ZBTB38: variants seen among roughly 807,000 people sequenced by gnomAD.
The protein encoded by ZBTB38 is zinc finger and BTB domain-containing protein 38.
ZBTB38 carries 20 observed loss-of-function variants against 76.8 expected under a neutral mutation model. The ratio of observed to expected loss-of-function variants is 0.26; its 90% CI spans 0.18 to 0.38. The LOEUF (loss-of-function observed/expected upper bound fraction) is 0.38. ZBTB38 is among the 10% of genes least tolerant of loss of function. The pLI is 1.00. For synonymous variants in ZBTB38, 504 were observed against 544.2 expected (o/e 0.93, Z 1.03); for missense variants, 1,082 against 1,482.3 (o/e 0.73, Z 4.43).
At chr3:141,412,802 C>CA (rs1208192544) in intron 5 of ZBTB38, among the ~76,000 whole-genome samples, 6 of 151,500 alleles carry the variant, frequency 4.0e-5, no homozygotes, top group African/African-American at 1.2e-4. Context: ...TTTTTCCACT[C>CA]GGTTTTTTTT....
chr3:141,362,975 A>G (rs912655959), intron 1 of ZBTB38, among the ~76,000 whole-genome samples: 1 of 151,846 alleles, frequency 6.6e-6, no homozygotes, highest in Non-Finnish European at 1.5e-5. Context: ...TAACAAACCC[A>G]TGAGGTGGTA....
intron 5 of ZBTB38, among the ~76,000 whole-genome samples, chr3:141,440,805 G>A (rs553760379): frequency 1.9e-4 from 29 of 152,220 alleles, no homozygotes; most frequent in African/African-American, 7.0e-4. Flanking sequence ...GGAGGCTGAG[G>A]CGGGCAGATC....
chr3:141,357,080 A>C (rs1943683355), intron 1 of ZBTB38, among the ~76,000 whole-genome samples: 1 of 152,230 alleles, frequency 6.6e-6, no homozygotes. Flanking sequence ...TTCTCCATAC[A>C]CTTGACCATT....
rs1041922186 is a variant in ZBTB38 at position 141,443,236 on chromosome 3, C to T, written c.848C>T (p.Pro283Leu). 6.2e-7 allele frequency: 1 copy of T among 1,614,190 alleles called. No individual in the cohort carries two copies. Among genetic ancestry groups the T allele is most frequent in the Non-Finnish European group, 8.5e-7 (1 of 1,180,018 alleles). The change falls in exon 6 of 6, where the codon CCA becomes CTA. Residue 283 changes from proline to leucine, a missense_variant. Pro to Leu is a moderately conservative substitution (Grantham distance 98, BLOSUM62 -3). Around this residue, in one of 8 missense-constraint regions of ZBTB38, gnomAD observed 324 missense variants for 359.1 expected, o/e 0.90. Coordinates refer to ENST00000321464, the MANE Select transcript of ZBTB38 (RefSeq NM_001376113.1). The surrounding 1 kb of genome is among the most constrained non-coding windows in gnomAD (Gnocchi z 5.6). ...QDSDSATENI[P>L]PPPVSNLEVN... Reference sequence around the variant, plus strand: ...TCGGATTCAGCCACAGAAAATATACCACCCCCTCCAGTATCCAACTTAGAG... The same window carrying T: ...TCGGATTCAGCCACAGAAAATATACTACCCCCTCCAGTATCCAACTTAGAG...
At chr3:141,378,267 G>T (rs2149123506) in intron 2 of ZBTB38, among the ~76,000 whole-genome samples, 1 of 152,260 alleles carries the variant, frequency 6.6e-6, no homozygotes, top group East Asian at 1.9e-4. Context: ...GGAGCACAGG[G>T]AACTGTGGTG....
intron 1 of ZBTB38, among the ~76,000 whole-genome samples, chr3:141,328,517 A>C (rs1942745769): frequency 6.6e-6 from 1 of 152,100 alleles, no homozygotes; most frequent in South Asian, 2.1e-4. Context: ...CTCAGCTACC[A>C]AACTGTGCAC....
intron 4 of ZBTB38, among the ~76,000 whole-genome samples, chr3:141,399,004 G>A (rs1484303034): frequency 1.3e-5 from 2 of 151,984 alleles, no homozygotes; most frequent in Admixed American, 1.3e-4. Context: ...TGAAGAAACT[G>A]TAGTTTCCTC....
chr3:141,391,565 G>A lies in ZBTB38; in HGVS notation c.-106+4628G>A, dbSNP rs192701393. On this transcript the variant is annotated intron_variant, in intron 4 of 5. Transcript: ENST00000321464. ...TCACGACCCTGAAACTGCTTCAGAA[G>A]GTAGAGTACATTGCAGTGCTAGGTG... 4.6e-5 allele frequency among the ~76,000 whole-genome samples: 7 copies of A among 152,316 alleles called. No homozygotes were observed. In the East Asian group the frequency reaches 1.2e-3, roughly 25 times the overall value.
Position 141,422,586 on chromosome 3 carries a change from G to A in ZBTB38, c.-1+18555G>A, listed in dbSNP as rs1018648562. Among the ~76,000 whole-genome samples, 115 of 152,150 alleles carry A rather than the reference G, an allele frequency of 7.6e-4. 1 individual carries two copies. The highest frequency in any genetic ancestry group is 1.6e-4 in the Non-Finnish European group (11 of 68,032). ...TCTAATTCAGGGTAAAGTGATGCTC[G>A]GAGGGCAGATTTGCTCAATCTCTTT... On this transcript the variant is annotated intron_variant, in intron 5 of 5. Coordinates refer to ENST00000321464, the MANE Select transcript of ZBTB38 (RefSeq NM_001376113.1).
At chr3:141,387,316 C>G (rs1178041473) in intron 4 of ZBTB38, 1 of 151,922 alleles carries the variant, frequency 6.6e-6, no homozygotes, top group Non-Finnish European at 1.5e-5. Context: ...AACAACAAAA[C>G]TCTGCTACCA....
intron 1 of ZBTB38, among the ~76,000 whole-genome samples, chr3:141,343,322 A>G (rs1227239427): frequency 6.6e-6 from 1 of 152,178 alleles, no homozygotes; most frequent in Non-Finnish European, 1.5e-5. Flanking sequence ...GAACCACCTC[A>G]GAATCCCTTG....
intron 5 of ZBTB38, among the ~76,000 whole-genome samples, chr3:141,428,224 G>A (rs1186435589): frequency 1.3e-5 from 2 of 152,198 alleles, no homozygotes. Flanking sequence ...ATCCCATTCT[G>A]GGTCTTTTCC....
chr3:141,399,278 C>T (rs1212073013), intron 4 of ZBTB38, among the ~76,000 whole-genome samples: 1 of 152,190 alleles, frequency 6.6e-6, no homozygotes, highest in African/African-American at 2.4e-5. Flanking sequence ...CACCTCCCAA[C>T]CCCATTTAGG....
At chr3:141,346,266 T>A (rs774737694) in intron 1 of ZBTB38, among the ~76,000 whole-genome samples, 16 of 152,154 alleles carry the variant, frequency 1.1e-4, no homozygotes, top group Non-Finnish European at 2.2e-4. Context: ...CTCTAGCTAT[T>A]TTAACACTCC....
chr3:141,335,411 T>G (rs1340187097), intron 1 of ZBTB38, among the ~76,000 whole-genome samples: 1 of 152,240 alleles, frequency 6.6e-6, no homozygotes, highest in Non-Finnish European at 1.5e-5. Flanking sequence ...TCAACTTCCT[T>G]AGATACAGCT....
At chr3:141,407,310 G>T (rs1954889565) in intron 5 of ZBTB38, among the ~76,000 whole-genome samples, 2 of 152,190 alleles carry the variant, frequency 1.3e-5, no homozygotes, top group African/African-American at 4.8e-5. Flanking sequence ...ACCTAGCTGG[G>T]CCACTTTCCA....
intron 1 of ZBTB38, among the ~76,000 whole-genome samples, chr3:141,333,653 G>T (rs142672316): frequency 6.6e-6 from 1 of 152,248 alleles, no homozygotes; most frequent in East Asian, 1.9e-4. Flanking sequence ...CAAGACAAGG[G>T]CAGTGTGGGT....
chr3:141,355,846 A>G (rs938278915), intron 1 of ZBTB38, among the ~76,000 whole-genome samples: 2 of 152,146 alleles, frequency 1.3e-5, no homozygotes, highest in Admixed American at 1.3e-4. Flanking sequence ...GAGGGGCTTT[A>G]TCCTGGGAGC....
intron 5 of ZBTB38, among the ~76,000 whole-genome samples, chr3:141,407,874 G>T (rs931532096): frequency 1.3e-5 from 2 of 152,182 alleles, no homozygotes; most frequent in African/African-American, 2.4e-5. Flanking sequence ...TGCATAATCA[G>T]ACAAAAACAA....
Sources: allele counts gnomAD v4.1 joint callset (sites outside exome capture counted in the v4.1 genomes callset), GRCh38; gene constraint gnomAD v4.1.1; regional missense constraint gnomAD v4.1.1; non-coding constraint Gnocchi (gnomAD v3.1); transcripts MANE v1.5; gene names NCBI Gene and HGNC (gene_info 2026-07-23, HGNC 2026-07-21).